Variants in TSSK4 observed in about 807,000 individuals in gnomAD.
TSSK4 encodes testis-specific serine/threonine-protein kinase 4.
TSSK4 carries 22 observed loss-of-function variants against 28.5 expected under a neutral mutation model. That is an observed-to-expected ratio of 0.77 (90% CI 0.55 to 1.10). The LOEUF (loss-of-function observed/expected upper bound fraction) is 1.10. Among genes scored for constraint, TSSK4 ranks in the 50% least tolerant of loss-of-function variants. TSSK4 has a pLI of 0.00. For missense variants in TSSK4, 329 were observed against 415.4 expected, an observed-to-expected ratio of 0.79 and a Z score of 1.81; for synonymous variants, 151 against 158.3, an observed-to-expected ratio of 0.95 and a Z score of 0.35.
Position 24,205,906 on chromosome 14 carries a change from C to A in TSSK4, c.-18C>A, listed in dbSNP as rs2039508134. 6.2e-7 allele frequency: 1 copy of A among 1,607,560 alleles called. No homozygotes were observed. Among genetic ancestry groups the A allele is most frequent in the African/African-American group, 1.3e-5 (1 of 74,804 alleles). ...CTTCCAAGTAGTAAAGCTCCCTGCTCTCAGCAAGCCCAACACCATGGGGAA... is the reference window on the plus strand; with the variant it reads ...CTTCCAAGTAGTAAAGCTCCCTGCTATCAGCAAGCCCAACACCATGGGGAA... On this transcript the variant is annotated 5_prime_UTR_variant, in exon 1 of 4. Coordinates refer to ENST00000339917, the MANE Select transcript of TSSK4 (RefSeq NM_001184739.2).
chr14:24,207,304 G>A lies in TSSK4; in HGVS notation c.629G>A (p.Gly210Asp), dbSNP rs745620513. ...TCCCACCTCAGCCAGACTTACTGTG[G>A]CAGCTTTGCTTACGCTTGCCCAGAG... is the stretch of plus-strand genomic sequence containing the variant. ...CFSHLSQTYCGSFAYACPEIL... is the reference protein window; with the variant it reads ...CFSHLSQTYCDSFAYACPEIL... Residue 210 changes from glycine (G) to aspartate (D), a missense_variant, in exon 3 of 4, where the codon GGC becomes GAC. Physicochemically the swap from Gly to Asp is moderately conservative, Grantham distance 94. Coordinates refer to ENST00000339917, the MANE Select transcript of TSSK4 (RefSeq NM_001184739.2). The A allele has an allele frequency of 6.2e-7, 1 of 1,614,122 alleles. No homozygotes were observed. The highest frequency in any genetic ancestry group is 2.2e-5 in the East Asian group (1 of 44,886).
At position 24,205,990 on chromosome 14, in the gene TSSK4, T is replaced by C; in HGVS notation, c.67T>C (p.Tyr23His). The C allele has an allele frequency of 1.2e-6, 2 of 1,614,208 alleles. No individual in the cohort carries two copies. Among genetic ancestry groups the C allele is most frequent in the Admixed American group, 1.7e-5 (1 of 60,026 alleles). ...AGCCTACCATTCCCTCATGGATGAA[T>C]ATGGTTATGAGGTGGGCAAGGCCAT... ...TTAYHSLMDE[Y>H]GYEVGKAIGH... Residue 23 changes from tyrosine (Y) to histidine (H), a missense_variant, in exon 1 of 4, where the codon TAT (tyrosine) becomes CAT (histidine). Tyr to His is a moderately conservative substitution (Grantham distance 83, BLOSUM62 2). Coordinates refer to ENST00000339917, the MANE Select transcript of TSSK4 (RefSeq NM_001184739.2).
chr14:24,207,327 G>C lies in TSSK4; in HGVS notation c.652G>C (p.Glu218Gln). The change falls in exon 3 of 4, where the codon GAG becomes CAG. Residue 218 changes from glutamate (E) to glutamine (Q), a missense_variant. Transcript: ENST00000339917. ...TGGCAGCTTTGCTTACGCTTGCCCA[G>C]AGATCTTACGAGGCTTGCCCTACAA... ...YCGSFAYACP[E>Q]ILRGLPYNPF... 6.2e-7 allele frequency: 1 copy of C among 1,614,128 alleles called. No homozygotes were observed. The highest frequency in any genetic ancestry group is 8.5e-7 in the Non-Finnish European group (1 of 1,180,036).
Position 24,208,197 on chromosome 14 carries a change from C to T in TSSK4, c.*51C>T. Reference sequence around the variant, plus strand: ...GAGGAGCAAAGCAGGAGGTCTTGGGCTAAAAATCTTTTTTACCAAAAATAA... The same window carrying T: ...GAGGAGCAAAGCAGGAGGTCTTGGGTTAAAAATCTTTTTTACCAAAAATAA... On this transcript the variant is annotated 3_prime_UTR_variant, in exon 4 of 4. Transcript: ENST00000339917. 1 of 1,508,220 alleles carries T rather than the reference C, an allele frequency of 6.6e-7. No homozygotes were observed. 93.4% of individuals were successfully genotyped at this position (1,508,220 alleles called of 1,614,324 possible). A position where few individuals can be genotyped will look rare whatever the true frequency, so the allele number is the denominator to read the frequency against.
chr14:24,206,629 C>A lies in TSSK4; in HGVS notation c.346C>A (p.Arg116Ser). 4.3e-6 allele frequency: 7 copies of A among 1,614,202 alleles called. No homozygotes were observed. The highest frequency in any genetic ancestry group is 5.9e-6 in the Non-Finnish European group (7 of 1,180,044). ...QGGDVLEWIQRYGACSEPLAG... is the reference protein window; with the variant it reads ...QGGDVLEWIQSYGACSEPLAG... ...TGGTGATGTCCTTGAATGGATCCAGCGCTACGGGGCCTGCTCTGAGCCCCT... is the reference window on the plus strand; with the variant it reads ...TGGTGATGTCCTTGAATGGATCCAGAGCTACGGGGCCTGCTCTGAGCCCCT... Residue 116 changes from arginine to serine, a missense_variant, in exon 2 of 4, where the codon CGC becomes AGC. By Grantham distance (110) the Arg-to-Ser change is moderately radical. Transcript: ENST00000339917.
intron 2 of TSSK4, 151 bp from the exon 3 acceptor site, chr14:24,206,965 A>G: frequency 1.8e-6 from 2 of 1,126,864 alleles, no homozygotes; most frequent in Non-Finnish European, 2.6e-6. Context: ...CTCTCTCCCT[A>G]CTTTGGGCTC....
intron 3 of TSSK4, among the ~76,000 whole-genome samples, 184 bp downstream of exon 3, chr14:24,207,693 A>G (rs1016752634): frequency 6.6e-6 from 1 of 152,194 alleles, no homozygotes; most frequent in Non-Finnish European, 1.5e-5. Flanking sequence ...AGGGCCAACC[A>G]CTAGGCTCCA....
intron 3 of TSSK4, 45 bp from the exon 4 acceptor site, chr14:24,207,919 C>T: frequency 1.9e-6 from 3 of 1,613,690 alleles, no homozygotes; most frequent in South Asian, 1.1e-5. Context: ...CTGTGTGGCA[C>T]AATGGAGAAA....
At position 24,207,834 on chromosome 14, in the gene TSSK4, C is replaced by T. The variant is rs562043767; in HGVS notation, c.835-130C>T. The T allele has an allele frequency of 2.1e-4, 331 of 1,548,852 alleles. 4 individuals are homozygous for T. The South Asian group carries it at 3.7e-3, about 17-fold the overall frequency. ...ACTGCCTGGGTCTCCAAGATAAAAT[C>T]AGAGCCACACCCACTTTGACCAGAG... On this transcript the variant is annotated intron_variant, in intron 3 of 3. Coordinates refer to ENST00000339917, the MANE Select transcript of TSSK4 (RefSeq NM_001184739.2).
rs895250461 is a variant in TSSK4 at position 24,207,112 on chromosome 14, C to G, written c.441-4C>G. ...CCCAGTCTAAAACTAAGCCCTCTCC[C>G]CAGCCTGATGCCCAGCCTTTCTGCT... On this transcript the variant is annotated splice_polypyrimidine_tract_variant and splice_region_variant and intron_variant, in intron 2 of 3. Transcript: ENST00000339917. 1 of 1,604,406 alleles carries G rather than the reference C, an allele frequency of 6.2e-7. No homozygotes were observed. Among genetic ancestry groups the G allele is most frequent in the Non-Finnish European group, 8.5e-7 (1 of 1,179,994 alleles).
chr14:24,206,538 C>T lies in TSSK4; in HGVS notation c.255C>T (p.Leu85=), dbSNP rs763099307. The part of the protein sequence containing the change: ...QVMKVLRHKY[L]INFYRAIEST... ...TGAAAGTCTTGCGGCACAAGTACCTCATCAACTTCTATCGGGCCATTGAGA... is the reference window on the plus strand; with the variant it reads ...TGAAAGTCTTGCGGCACAAGTACCTTATCAACTTCTATCGGGCCATTGAGA... Residue 85 remains leucine, a synonymous_variant, in exon 2 of 4, where the codon CTC becomes CTT. Coordinates refer to ENST00000339917, the MANE Select transcript of TSSK4 (RefSeq NM_001184739.2). 2 of 1,614,216 alleles carry T rather than the reference C, an allele frequency of 1.2e-6. No individual in the cohort carries two copies. Among genetic ancestry groups the T allele is most frequent in the South Asian group, 1.1e-5 (1 of 91,088 alleles).
At chr14:24,206,970 G>T in intron 2 of TSSK4, 146 bp from the exon 3 acceptor site, 1 of 1,163,292 alleles carries the variant, frequency 8.6e-7, no homozygotes. Context: ...TCCCTACTTT[G>T]GGCTCTGCTC....
rs768674323 is a variant in TSSK4, at chr14:24,205,921, ACC to A, written c.-2_-1del. The stretch of plus-strand genomic sequence containing the variant: ...GCTCCCTGCTCTCAGCAAGCCCAAC[ACC>A]ATGGGGAAGGGAGATGTCTTAGAGG... On this transcript the variant is annotated 5_prime_UTR_variant, in exon 1 of 4. Coordinates refer to ENST00000339917, the MANE Select transcript of TSSK4 (RefSeq NM_001184739.2). 453 of 1,612,692 alleles carry A rather than the reference ACC, an allele frequency of 2.8e-4. No homozygotes were observed. The highest frequency in any genetic ancestry group is 6.8e-4 in the Admixed American group (41 of 59,996).
Position 24,206,706 on chromosome 14 carries a change from C to A in TSSK4, c.423C>A (p.Ser141Arg). The A allele has an allele frequency of 1.2e-6, 2 of 1,613,822 alleles. No individual in the cohort carries two copies. The highest frequency in any genetic ancestry group is 1.7e-6 in the Non-Finnish European group (2 of 1,180,026). Residue 141 changes from serine (S) to arginine (R), a missense_variant, in exon 2 of 4, where the codon AGC becomes AGA. By Grantham distance (110) the Ser-to-Arg change is moderately radical. Around this residue, in one of 3 missense-constraint regions of TSSK4, gnomAD observed 175 missense variants for 196.0 expected, o/e 0.89. Transcript: ENST00000339917. ...QLTLGIAYLH[S>R]KSIVHRLMPS... is the part of the protein sequence containing the mutation. ...CCCTGGGCATTGCCTACCTGCACAG[C>A]AAGAGCATCGTGCACCGGTGAGGGC...
rs549848282 is a variant in TSSK4, at chr14:24,206,446, C to T, written c.226-63C>T. ...TAAGTCAGTAGCTGAGGGTAGGAGA[C>T]GGCTGGGAGTGCAGTCAGGGTTCTC... On this transcript the variant is annotated intron_variant, in intron 1 of 3. Coordinates refer to ENST00000339917, the MANE Select transcript of TSSK4 (RefSeq NM_001184739.2). 7.4e-4 allele frequency: 1,145 copies of T among 1,550,136 alleles called. 11 individuals carry two copies. The African/African-American group carries it at 0.012, about 17-fold the overall frequency.
In TSSK4 at chr14:24,206,062, CAGA is replaced by C. The variant is rs750353923; in HGVS notation, c.142_144del (p.Lys48del). 2.0e-5 allele frequency: 32 copies of C among 1,614,190 alleles called. No individual in the cohort carries two copies. The African/African-American group carries it at 2.8e-4, about 14-fold the overall frequency. Reference sequence around the variant, plus strand: ...GGTATATGAGGCTTTCTACACAAAGCAGAAGGTTATGGTGGCAGTCAAGATCAT... The same window carrying C: ...GGTATATGAGGCTTTCTACACAAAGCAGGTTATGGTGGCAGTCAAGATCAT... On this transcript the variant is annotated inframe_deletion, in exon 1 of 4. Transcript: ENST00000339917.
In TSSK4 at chr14:24,207,122, G is replaced by GCCCA. The variant is rs1429000856; in HGVS notation, c.448_451dup (p.Ser151ThrfsTer8). ...AACTAAGCCCTCTCCCCAGCCTGAT[G>GCCCA]CCCAGCCTTTCTGCTGCTGGTAGGG... is the stretch of plus-strand genomic sequence containing the variant. On this transcript the variant is annotated frameshift_variant, in exon 3 of 4. Transcript: ENST00000339917. LOFTEE classifies it high-confidence loss of function. The GCCCA allele has an allele frequency of 1.2e-6, 2 of 1,606,306 alleles. No homozygotes were observed. The highest frequency in any genetic ancestry group is 1.7e-4 in the Middle Eastern group (1 of 6,060).
Position 24,207,316 on chromosome 14 carries a change from A to G in TSSK4, c.641A>G (p.Tyr214Cys). ...CAGACTTACTGTGGCAGCTTTGCTT[A>G]CGCTTGCCCAGAGATCTTACGAGGC... ...LSQTYCGSFA[Y>C]ACPEILRGLP... Residue 214 changes from tyrosine to cysteine, a missense_variant, in exon 3 of 4, where the codon TAC becomes TGC. By Grantham distance (194) the Tyr-to-Cys change is radical. This residue lies in a region of TSSK4 where 139 missense variants were observed against 178.1 expected (regional missense o/e 0.78). Coordinates refer to ENST00000339917, the MANE Select transcript of TSSK4 (RefSeq NM_001184739.2). The G allele has an allele frequency of 6.2e-7, 1 of 1,614,130 alleles. No homozygotes were observed. Among genetic ancestry groups the G allele is most frequent in the Non-Finnish European group, 8.5e-7 (1 of 1,180,020 alleles).
chr14:24,207,052 CTCATCT>C, intron 2 of TSSK4, 58 bp from the exon 3 acceptor site: 1 of 1,593,580 alleles, frequency 6.3e-7, no homozygotes, highest in South Asian at 1.1e-5. Flanking sequence ...TTCCTCTGTC[CTCATCT>C]TTACCCTCTG....
Sources: gnomAD v4.1 joint callset for allele counts (sites outside exome capture counted in the v4.1 genomes callset) on GRCh38, gnomAD v4.1.1 for gene constraint, gnomAD v4.1.1 regional missense constraint, MANE v1.5 for transcripts, NCBI Gene and HGNC (gene_info 2026-07-23, HGNC 2026-07-21) for gene names.